Variants in CCDC7 observed in about 807,000 individuals in gnomAD.
CCDC7 encodes the protein coiled-coil domain containing 7.
CCDC7 carries 183 observed loss-of-function variants against 196.9 expected under a neutral mutation model. The ratio of observed to expected loss-of-function variants is 0.93; its 90% CI spans 0.82 to 1.05. The LOEUF is 1.05. Among genes scored for constraint, CCDC7 ranks in the 50% least tolerant of loss-of-function variants. CCDC7 has a pLI of 0.00. For synonymous variants in CCDC7, 525 were observed against 484.6 expected (o/e 1.08, Z -1.10); for missense variants, 1,540 against 1,482.2 (o/e 1.04, Z -0.64).
At chr10:32,518,084 G>A (rs2047328149) in intron 10 of CCDC7, 109 bp downstream of exon 11, 1 of 1,340,792 alleles carries the variant, frequency 7.5e-7, no homozygotes, top group Non-Finnish European at 9.9e-7. Context: ...TCCTTACTTA[G>A]TTTATTTAAG....
intron 21 of CCDC7, among the ~76,000 whole-genome samples, chr10:32,679,328 T>C (rs955102448): frequency 2.6e-5 from 4 of 152,080 alleles, no homozygotes; most frequent in Non-Finnish European, 5.9e-5. Flanking sequence ...TAACCTCCAA[T>C]TGGCAAACAG....
chr10:32,582,581 A>G (rs576325945), intron 16 of CCDC7, among the ~76,000 whole-genome samples: 1 of 152,262 alleles, frequency 6.6e-6, no homozygotes, highest in East Asian at 1.9e-4. Flanking sequence ...CTTAAAGAAA[A>G]CTAACTCAGA....
intron 24 of CCDC7, among the ~76,000 whole-genome samples, chr10:32,706,742 C>G (rs1001890336): frequency 6.6e-6 from 1 of 152,298 alleles, no homozygotes; most frequent in Middle Eastern, 3.4e-3. Flanking sequence ...AATTCCTGGA[C>G]ACATATGCCC....
At chr10:32,695,128 T>C (rs1041797955) in intron 24 of CCDC7, 136 bp downstream of exon 25, 6 of 409,412 alleles carry the variant, frequency 1.5e-5, no homozygotes, top group Non-Finnish European at 2.6e-5. Flanking sequence ...TACCTTAAAA[T>C]AACTAGAGAA....
chr10:32,471,761 A>G (rs1318318602), intron 6 of CCDC7, among the ~76,000 whole-genome samples: 1 of 152,128 alleles, frequency 6.6e-6, no homozygotes, highest in Admixed American at 6.5e-5. Flanking sequence ...ATACATACCC[A>G]TAGTTGGGAG....
At chr10:32,445,394 A>C (rs2030713704), upstream of CCDC7, among the ~76,000 whole-genome samples, 1 of 152,158 alleles carries the variant, frequency 6.6e-6, no homozygotes, top group African/African-American at 2.4e-5. Context: ...AGTTTTAGAA[A>C]ATAGTTGAAA....
At chr10:32,488,043 A>T (rs2041498835) in intron 8 of CCDC7, among the ~76,000 whole-genome samples, 1 of 152,172 alleles carries the variant, frequency 6.6e-6, no homozygotes, top group Non-Finnish European at 1.5e-5. Context: ...TCTTCAGAGG[A>T]TTCTGCTGCC....
chr10:32,478,337 T>G (rs1455326441), intron 8 of CCDC7, among the ~76,000 whole-genome samples: 3 of 152,176 alleles, frequency 2.0e-5, no homozygotes, highest in Non-Finnish European at 4.4e-5. Flanking sequence ...GGACTTCCAG[T>G]ATGATGTTAA....
intron 41 of CCDC7, among the ~76,000 whole-genome samples, chr10:32,859,138 C>T (rs1343144949): frequency 6.6e-6 from 1 of 152,200 alleles, no homozygotes; most frequent in Admixed American, 6.5e-5. Context: ...CCACAATGCA[C>T]TTATTCTAAA....
intron 24 of CCDC7, among the ~76,000 whole-genome samples, chr10:32,711,258 C>T (rs113003746): frequency 1.6e-4 from 24 of 151,800 alleles, no homozygotes; most frequent in African/African-American, 5.8e-4. Flanking sequence ...GCTTAAAAAT[C>T]TCAATGGTTT....
At chr10:32,578,240 G>T (rs2058412968) in intron 16 of CCDC7, among the ~76,000 whole-genome samples, 1 of 152,000 alleles carries the variant, frequency 6.6e-6, no homozygotes, top group Non-Finnish European at 1.5e-5. Flanking sequence ...TTGTGGTTGG[G>T]ACTGGAGGCC....
intron 2 of CCDC7, among the ~76,000 whole-genome samples, chr10:32,454,588 C>A (rs556809044): frequency 7.0e-4 from 104 of 148,602 alleles, no homozygotes; most frequent in Middle Eastern, 3.5e-3. Flanking sequence ...AAAAAAAAAA[C>A]CACCAAAAAA....
chr10:32,845,322 C>A, exon 34 of CCDC7: 2 of 1,560,512 alleles, frequency 1.3e-6, no homozygotes, highest in South Asian at 1.2e-5. Flanking sequence ...TAAAGGGTCA[C>A]CAAAGTAAGA....
At chr10:32,772,621 T>G (rs1351263938) in intron 28 of CCDC7, among the ~76,000 whole-genome samples, 4 of 152,250 alleles carry the variant, frequency 2.6e-5, no homozygotes, top group Non-Finnish European at 5.9e-5. Context: ...ACCTGAACTT[T>G]TTGACTGTCG....
chr10:32,462,666 A>G lies in CCDC7; in HGVS notation c.457-17A>G, dbSNP rs755804541. Reference sequence around the variant, plus strand: ...CATTCTAATTTTAAATGTGTTAATTAAAACTTTATTTTTCAGATTTTGGAA... The same window carrying G: ...CATTCTAATTTTAAATGTGTTAATTGAAACTTTATTTTTCAGATTTTGGAA... On this transcript the variant is annotated splice_polypyrimidine_tract_variant and intron_variant, in intron 3 of 41. Transcript: ENST00000639629. 5 of 1,419,552 alleles carry G rather than the reference A, an allele frequency of 3.5e-6. No individual in the cohort carries two copies. The South Asian group carries it at 6.5e-5, about 18-fold the overall frequency. The allele number at this position is 1,419,552 out of a possible 1,614,324, so 87.9% of individuals were successfully genotyped here.
intron 36 of CCDC7, 126 bp downstream of exon 37, chr10:32,846,085 T>C: frequency 2.6e-6 from 2 of 784,062 alleles, no homozygotes; most frequent in South Asian, 1.7e-5. Flanking sequence ...AAAGATGCTA[T>C]TGGAAGACAT....
At chr10:32,646,612 TG>T (rs1219125956) in intron 20 of CCDC7, among the ~76,000 whole-genome samples, 3 of 152,240 alleles carry the variant, frequency 2.0e-5, no homozygotes, top group Non-Finnish European at 2.9e-5. Context: ...GATAAAGGTG[TG>T]GGGGGTTACA....
intron 28 of CCDC7, among the ~76,000 whole-genome samples, chr10:32,763,324 C>A (rs2077745848): frequency 6.6e-6 from 1 of 151,836 alleles, no homozygotes; most frequent in South Asian, 2.1e-4. Context: ...TCATCACACA[C>A]CTATTAGGAT....
intron 9 of CCDC7, chr10:32,511,599 C>T: frequency 3.1e-6 from 5 of 1,599,610 alleles, no homozygotes; most frequent in Non-Finnish European, 4.3e-6. Flanking sequence ...TCAAGTGGAT[C>T]CAACTTCTGC....
Sources: gnomAD v4.1 joint callset for allele counts (sites outside exome capture counted in the v4.1 genomes callset) on GRCh38, gnomAD v4.1.1 for gene constraint, MANE v1.5 for transcripts, NCBI Gene and HGNC (gene_info 2026-07-23, HGNC 2026-07-21) for gene names.